FAP: variants seen among roughly 807,000 people sequenced by gnomAD.
FAP encodes the protein prolyl endopeptidase FAP.
A neutral mutation model predicts 126.5 loss-of-function variants in FAP; 110 were observed. The ratio of observed to expected loss-of-function variants is 0.87; its 90% confidence interval spans 0.74 to 1.02. FAP has a LOEUF of 1.02. Among genes scored for constraint, FAP ranks in the 50% least tolerant of loss-of-function variants. The pLI is 0.00. For synonymous variants in FAP, 334 were observed against 297.3 expected, an observed-to-expected ratio of 1.12 and a Z score of -1.27; for missense variants, 919 against 909.2, an observed-to-expected ratio of 1.01 and a Z score of -0.14.
chr2:162,191,270 C>A (rs1250331491), intron 17 of FAP, among the ~76,000 whole-genome samples: 23 of 152,100 alleles, frequency 1.5e-4, no homozygotes, highest in Non-Finnish European at 2.9e-5. Flanking sequence ...TCGAACTTTT[C>A]TGATACATGA....
chr2:162,225,142 A>G (rs146440663), intron 4 of FAP, among the ~76,000 whole-genome samples: 1 of 152,292 alleles, frequency 6.6e-6, no homozygotes, highest in Non-Finnish European at 1.5e-5. Context: ...ACCGAGGCAT[A>G]GTAAGATTGC....
intron 12 of FAP, among the ~76,000 whole-genome samples, chr2:162,205,359 G>A (rs942036718): frequency 6.6e-6 from 1 of 152,036 alleles, no homozygotes; most frequent in Non-Finnish European, 1.5e-5. Context: ...AAGAGGCCCA[G>A]GAATAGGAAA....
chr2:162,187,229 C>T (rs950436464), intron 20 of FAP, among the ~76,000 whole-genome samples: 1 of 151,982 alleles, frequency 6.6e-6, no homozygotes, highest in Non-Finnish European at 1.5e-5. Flanking sequence ...AATCTTTATT[C>T]TGCATGTTGC....
Position 162,173,146 on chromosome 2 carries a change from C to T in FAP, c.2107+3G>A, listed in dbSNP as rs1484222847. ...ATGTGTAAGAGTCTTGCTTAAACCT[C>T]ACCATCTGCTGTTCCGTGGATGAGA... On this transcript the variant is annotated splice_donor_region_variant and intron_variant, in intron 24 of 25. Coordinates refer to ENST00000188790, the MANE Select transcript of FAP (RefSeq NM_004460.5). 6.2e-7 allele frequency: 1 copy of T among 1,611,354 alleles called. No homozygotes were observed. Among genetic ancestry groups the T allele is most frequent in the African/African-American group, 1.3e-5 (1 of 74,830 alleles).
chr2:162,201,277 C>G (rs1576161116), intron 14 of FAP, among the ~76,000 whole-genome samples: 1 of 152,186 alleles, frequency 6.6e-6, no homozygotes, highest in East Asian at 1.9e-4. Context: ...TTGGGATAAC[C>G]GAAGTTTGGT....
chr2:162,195,124 A>C (rs1410673511), intron 16 of FAP: 2 of 231,222 alleles, frequency 8.6e-6, no homozygotes, highest in African/African-American at 4.5e-5. Flanking sequence ...AACCTTCACC[A>C]GTACCCAGAT....
chr2:162,179,760 A>T (rs1392606616), intron 21 of FAP, among the ~76,000 whole-genome samples: 1 of 61,930 alleles, frequency 1.6e-5, no homozygotes, highest in Non-Finnish European at 3.3e-5. Flanking sequence ...GGAAGCACAG[A>T]TCTATCTATC....
chr2:162,225,959 AT>A (rs1689629593), intron 3 of FAP, among the ~76,000 whole-genome samples: 1 of 152,130 alleles, frequency 6.6e-6, no homozygotes, highest in African/African-American at 2.4e-5. Context: ...TATTAATTTT[AT>A]TTTCTAAAGA....
chr2:162,236,449 T>G (rs1347967112), intron 2 of FAP, among the ~76,000 whole-genome samples: 1 of 128,142 alleles, frequency 7.8e-6, no homozygotes, highest in Non-Finnish European at 1.6e-5. Context: ...TATGTTTTTG[T>G]TTTTTTTTTT....
In FAP at chr2:162,189,837, T is replaced by A. The variant is rs569537138; in HGVS notation, c.1451-83A>T. 4.0e-4 allele frequency: 285 copies of A among 708,474 alleles called. 1 individual carries two copies. In the African/African-American group the frequency reaches 4.9e-3, roughly 12 times the overall value. 43.9% of individuals were successfully genotyped at this position (708,474 alleles called of 1,614,324 possible). A position where few individuals can be genotyped will look rare whatever the true frequency, so the allele number is the denominator to read the frequency against. On this transcript the variant is annotated intron_variant, in intron 17 of 25. Transcript: ENST00000188790. Reference sequence around the variant, plus strand: ...CCTTAAAATTCCTTTGACTTCAATATGGGTGAAACTGAAACTGTGAAAAGC... The same window carrying A: ...CCTTAAAATTCCTTTGACTTCAATAAGGGTGAAACTGAAACTGTGAAAAGC...
chr2:162,235,017 T>TA (rs1690056289), intron 2 of FAP, among the ~76,000 whole-genome samples: 1 of 152,054 alleles, frequency 6.6e-6, no homozygotes, highest in Admixed American at 6.5e-5. Flanking sequence ...CCGGGTCCCC[T>TA]AGCAGTGCTG....
At chr2:162,201,610 GT>G (rs1352263556) in intron 14 of FAP, among the ~76,000 whole-genome samples, 1 of 152,052 alleles carries the variant, frequency 6.6e-6, no homozygotes, top group Non-Finnish European at 1.5e-5. Flanking sequence ...GCCAGGTCCA[GT>G]TTGTCTCTTT....
intron 16 of FAP, among the ~76,000 whole-genome samples, chr2:162,197,985 T>C (rs969448871): frequency 2.6e-5 from 4 of 152,220 alleles, no homozygotes; most frequent in Non-Finnish European, 1.5e-5. Flanking sequence ...ATATATTTCA[T>C]TGATCTATAT....
chr2:162,243,333 C>A lies in FAP; in HGVS notation c.-6G>T. ...TTGCTTATACTAACCTTCATTTTTCCAGATGTTTTTGAAAGTTAGCTAATT... is the reference window on the plus strand; with the variant it reads ...TTGCTTATACTAACCTTCATTTTTCAAGATGTTTTTGAAAGTTAGCTAATT... On this transcript the variant is annotated 5_prime_UTR_variant, in exon 1 of 26. Transcript: ENST00000188790. 1 of 1,609,906 alleles carries A rather than the reference C, an allele frequency of 6.2e-7. No homozygotes were observed.
At chr2:162,224,937 T>C (rs1174031554) in intron 4 of FAP, among the ~76,000 whole-genome samples, 1 of 152,016 alleles carries the variant, frequency 6.6e-6, no homozygotes, top group Non-Finnish European at 1.5e-5. Flanking sequence ...GAATAGTAGG[T>C]TTTTCAGGGT....
Position 162,220,236 on chromosome 2 carries a change from C to T in FAP, c.414-311G>A, listed in dbSNP as rs983004503. 1.2e-4 allele frequency among the ~76,000 whole-genome samples: 18 copies of T among 152,316 alleles called. No homozygotes were observed. In the East Asian group the frequency reaches 2.9e-3, roughly 24 times the overall value. ...GAAGATCTCTAGAAATTATCTAATA[C>T]AGTCCTCTCATTTTATAGAAAGTAA... On this transcript the variant is annotated intron_variant, in intron 6 of 25. Coordinates refer to ENST00000188790, the MANE Select transcript of FAP (RefSeq NM_004460.5).
At chr2:162,220,936 C>A (rs1488244108) in intron 6 of FAP, among the ~76,000 whole-genome samples, 4 of 152,160 alleles carry the variant, frequency 2.6e-5, no homozygotes, top group African/African-American at 9.6e-5. Context: ...TCCTGCCCAA[C>A]CCCTCCAAAA....
rs549449079 is a variant in FAP at position 162,238,543 on chromosome 2, C to A, written c.91+4365G>T. On this transcript the variant is annotated intron_variant, in intron 2 of 25. Transcript: ENST00000188790. ...GAACTATAAACTGCAAACTTGATTT[C>A]TTTATCTTGACTAAAAAGCTCTTTT... 4.9e-5 allele frequency among the ~76,000 whole-genome samples: 7 copies of A among 142,478 alleles called. No homozygotes were observed. The East Asian group carries it at 1.7e-3, about 36-fold the overall frequency. The allele number at this position is 142,478 out of a possible 152,430, so 93.5% of individuals were successfully genotyped here.
At chr2:162,197,624 C>T (rs1431962709) in intron 16 of FAP, 6 of 456,536 alleles carry the variant, frequency 1.3e-5, no homozygotes, top group Admixed American at 2.3e-5. Context: ...TTCATGTCCA[C>T]GTAGTCAAAT....
Sources: allele counts gnomAD v4.1 joint callset (sites outside exome capture counted in the v4.1 genomes callset), GRCh38; gene constraint gnomAD v4.1.1; transcripts MANE v1.5; gene names NCBI Gene and HGNC (gene_info 2026-07-23, HGNC 2026-07-21).